SMC6: variants seen among roughly 807,000 people sequenced by gnomAD.
SMC6 encodes structural maintenance of chromosomes protein 6.
Under a neutral mutation model 142.2 loss-of-function variants are expected in SMC6, and 79 were observed. The ratio of observed to expected loss-of-function variants is 0.56; its 90% CI spans 0.46 to 0.67. The LOEUF (loss-of-function observed/expected upper bound fraction) is 0.67. Ranked by LOEUF, SMC6 falls within the 30% of genes least tolerant of loss-of-function variation. SMC6 has a pLI of 0.00. For synonymous variants in SMC6, 411 were observed against 412.4 expected (o/e 1.00, Z 0.04); for missense variants, 1,072 against 1,284.0 (o/e 0.83, Z 2.52).
At chr2:17,703,529 C>T (rs1490728309) in intron 18 of SMC6, among the ~76,000 whole-genome samples, 2 of 152,110 alleles carry the variant, frequency 1.3e-5, no homozygotes, top group African/African-American at 4.8e-5. Flanking sequence ...GTAGAGTTGA[C>T]TCTTGAACAA....
At chr2:17,705,723 C>T (rs1338256110) in intron 18 of SMC6, among the ~76,000 whole-genome samples, 2 of 152,168 alleles carry the variant, frequency 1.3e-5, no homozygotes, top group Non-Finnish European at 2.9e-5. Context: ...TTTAATAAAA[C>T]TAATAAATTT....
At chr2:17,678,521 A>G (rs1667097686) in intron 25 of SMC6, among the ~76,000 whole-genome samples, 1 of 151,554 alleles carries the variant, frequency 6.6e-6, no homozygotes, top group African/African-American at 2.4e-5. Context: ...TAATCCCAGC[A>G]CTTTGGGAGG....
At position 17,721,261 on chromosome 2, in the gene SMC6, G is replaced by T; in HGVS notation, c.727C>A (p.Arg243=). The change falls in exon 10 of 28, where the codon CGG becomes AGG. Residue 243 remains arginine, a splice_region_variant and synonymous_variant. Transcript: ENST00000448223. ...TKEQIHQGEE[R]LTELKRQCVE... ...CACTGGCGCTTTAGTTCAGTAAGCC[G>T]CTTAAAAAAAGAAAACAGAACGGAC... is the stretch of plus-strand genomic sequence containing the variant. The T allele has an allele frequency of 6.4e-7, 1 of 1,560,554 alleles. No individual in the cohort carries two copies. Among genetic ancestry groups the T allele is most frequent in the Non-Finnish European group, 8.6e-7 (1 of 1,161,718 alleles).
chr2:17,717,944 C>T, intron 12 of SMC6, 133 bp downstream of exon 12: 1 of 883,090 alleles, frequency 1.1e-6, no homozygotes, highest in South Asian at 2.5e-5. Flanking sequence ...CGTGATGGCG[C>T]CATAGCACTC....
intron 16 of SMC6, among the ~76,000 whole-genome samples, chr2:17,713,123 T>C: frequency 6.6e-6 from 1 of 152,196 alleles, no homozygotes; most frequent in East Asian, 1.9e-4. Context: ...AACAAAACAC[T>C]CAACTGCTTC....
At position 17,702,327 on chromosome 2, in the gene SMC6, T is replaced by C. The variant is rs114802315; in HGVS notation, c.2143-418A>G. Reference sequence around the variant, plus strand: ...CCAAAACTATTTTCATAAAAACAATTAGACATTATTTGCCACTTTTATTAG... The same window carrying C: ...CCAAAACTATTTTCATAAAAACAATCAGACATTATTTGCCACTTTTATTAG... On this transcript the variant is annotated intron_variant, in intron 19 of 27. Transcript: ENST00000448223. Among the ~76,000 whole-genome samples the C allele has an allele frequency of 4.8e-3, 732 of 152,270 alleles. 3 individuals carry two copies. The highest frequency in any genetic ancestry group is 0.016 in the African/African-American group (679 of 41,554).
At chr2:17,686,637 C>T (rs1300317490) in intron 23 of SMC6, among the ~76,000 whole-genome samples, 1 of 152,122 alleles carries the variant, frequency 6.6e-6, no homozygotes, top group Non-Finnish European at 1.5e-5. Context: ...TTATTCAGTG[C>T]CCCCAAGGGA....
rs577577157 is a variant in SMC6 at position 17,747,969 on chromosome 2, T to C, written c.-5-2018A>G. Reference sequence around the variant, plus strand: ...TCTTACTATTATCATTAAAACAGTTTTGGCCTTGTAGATCCCTTGCAAGAG... The same window carrying C: ...TCTTACTATTATCATTAAAACAGTTCTGGCCTTGTAGATCCCTTGCAAGAG... On this transcript the variant is annotated intron_variant, in intron 2 of 27. Transcript: ENST00000448223. Among the ~76,000 whole-genome samples the C allele has an allele frequency of 6.6e-5, 10 of 152,348 alleles. No individual in the cohort carries two copies. The South Asian group carries it at 2.1e-3, about 32-fold the overall frequency.
intron 27 of SMC6, 42 bp from the exon 28 acceptor site, chr2:17,665,655 T>C: frequency 7.7e-7 from 1 of 1,291,440 alleles, no homozygotes; most frequent in Non-Finnish European, 1.1e-6. Context: ...CCAAGAAACC[T>C]TTTACCAATT....
chr2:17,746,116 G>T, intron 2 of SMC6, 165 bp from the exon 3 acceptor site: 2 of 636,248 alleles, frequency 3.1e-6, no homozygotes, highest in Non-Finnish European at 4.7e-6. Context: ...AAGGAAGAGG[G>T]ACATGAGTCA....
At chr2:17,709,755 T>C (rs1337240309) in intron 16 of SMC6, among the ~76,000 whole-genome samples, 1 of 152,050 alleles carries the variant, frequency 6.6e-6, no homozygotes, top group Admixed American at 6.6e-5. Context: ...TGGTGCTTTT[T>C]TACACACACA....
chr2:17,713,704 A>C, intron 16 of SMC6: 1 of 310,778 alleles, frequency 3.2e-6, no homozygotes, highest in Non-Finnish European at 6.8e-6. Flanking sequence ...TCAATTAACA[A>C]ATTTTATTGA....
chr2:17,734,597 AATTATCAAACACCTCTCTTG>A (rs1670055833), intron 5 of SMC6, among the ~76,000 whole-genome samples: 1 of 152,170 alleles, frequency 6.6e-6, no homozygotes, highest in Admixed American at 6.5e-5. Context: ...TTGCTCTCTG[AATTATCAAACACCTCTCTTG>A]ATTACCAAAC....
intron 5 of SMC6, among the ~76,000 whole-genome samples, chr2:17,732,306 G>A (rs1040794357): frequency 6.6e-6 from 1 of 152,040 alleles, no homozygotes; most frequent in African/African-American, 2.4e-5. Flanking sequence ...TAAGAATTAT[G>A]GTAAAGTAGT....
intron 6 of SMC6, 117 bp from the exon 7 acceptor site, chr2:17,731,256 G>T: frequency 1.5e-6 from 1 of 686,604 alleles, no homozygotes; most frequent in Non-Finnish European, 2.5e-6. Context: ...CATCAAGAAA[G>T]GTACCATTGA....
chr2:17,726,071 G>A (rs1274293049), intron 8 of SMC6, among the ~76,000 whole-genome samples: 1 of 101,138 alleles, frequency 9.9e-6, no homozygotes, highest in Non-Finnish European at 1.7e-5. Context: ...CTGGAAGACA[G>A]AGCAAGGCTC....
chr2:17,686,774 T>C (rs915524468), intron 23 of SMC6, among the ~76,000 whole-genome samples: 10 of 152,140 alleles, frequency 6.6e-5, no homozygotes, highest in African/African-American at 1.9e-4. Context: ...AAGAAAACGA[T>C]TGCTTATATA....
At chr2:17,724,925 A>G (rs909919122) in intron 9 of SMC6, among the ~76,000 whole-genome samples, 1 of 152,216 alleles carries the variant, frequency 6.6e-6, no homozygotes, top group Non-Finnish European at 1.5e-5. Context: ...TAAACTACTT[A>G]TAGGTTTTAA....
At chr2:17,744,868 G>A (rs749931210) in intron 3 of SMC6, among the ~76,000 whole-genome samples, 3 of 152,140 alleles carry the variant, frequency 2.0e-5, no homozygotes, top group Non-Finnish European at 4.4e-5. Context: ...CTGTAACATG[G>A]TGAATCACAA....
Sources: allele counts gnomAD v4.1 joint callset (sites outside exome capture counted in the v4.1 genomes callset), GRCh38; gene constraint gnomAD v4.1.1; transcripts MANE v1.5; gene names NCBI Gene and HGNC (gene_info 2026-07-23, HGNC 2026-07-21).